Variants in FSTL4 observed in about 807,000 individuals in gnomAD.
FSTL4 encodes the protein follistatin like 4.
FSTL4 carries 28 observed loss-of-function variants against 78.2 expected under a neutral mutation model. The observed-to-expected ratio is 0.36, with a 90% CI of 0.27 to 0.49. The LOEUF is 0.49. FSTL4 is among the 20% of genes least tolerant of loss of function. The pLI, the probability that FSTL4 is intolerant of heterozygous loss-of-function variation, is 0.98. For synonymous variants in FSTL4, 422 were observed against 440.5 expected, an observed-to-expected ratio of 0.96 and a Z score of 0.53; for missense variants, 922 against 1,084.9, an observed-to-expected ratio of 0.85 and a Z score of 2.11.
chr5:133,402,402 G>A (rs1756251643), intron 3 of FSTL4, among the ~76,000 whole-genome samples: 1 of 152,180 alleles, frequency 6.6e-6, no homozygotes, highest in Admixed American at 6.5e-5. Context: ...GGAAAGTTGA[G>A]AATTACACAG....
At chr5:133,363,162 C>T (rs1367292519) in intron 4 of FSTL4, among the ~76,000 whole-genome samples, 2 of 152,032 alleles carry the variant, frequency 1.3e-5, no homozygotes, top group Non-Finnish European at 2.9e-5. Flanking sequence ...GAATAATCTG[C>T]ATACTTCACA....
the FSTL4 span, among the ~76,000 whole-genome samples, chr5:133,700,065 CCAGG>C: frequency 1.3e-5 from 2 of 152,106 alleles, no homozygotes; most frequent in Non-Finnish European, 2.9e-5. Flanking sequence ...GGATCAACAG[CCAGG>C]TGGGATGAGC....
intron 2 of FSTL4, among the ~76,000 whole-genome samples, chr5:133,598,214 C>CT (rs1208790950): frequency 6.6e-6 from 1 of 152,054 alleles, no homozygotes. Flanking sequence ...TGGGATTCTC[C>CT]TTGTGTGTGT....
the FSTL4 span, among the ~76,000 whole-genome samples, chr5:133,630,350 A>G: frequency 6.6e-6 from 1 of 152,178 alleles, no homozygotes; most frequent in Non-Finnish European, 1.5e-5. Context: ...CTATACACCA[A>G]TAATAGACAG....
intron 3 of FSTL4, among the ~76,000 whole-genome samples, chr5:133,474,297 A>C (rs1304398458): frequency 6.6e-6 from 1 of 151,476 alleles, no homozygotes; most frequent in African/African-American, 2.4e-5. Context: ...ATGCTGCCCA[A>C]GAATGAACAA....
the FSTL4 span, among the ~76,000 whole-genome samples, chr5:133,689,327 C>T: frequency 6.6e-6 from 1 of 152,164 alleles, no homozygotes; most frequent in Admixed American, 6.5e-5. Context: ...AGGAGGTCCT[C>T]GTCAACAGCA....
chr5:133,831,997 A>G, the FSTL4 span, among the ~76,000 whole-genome samples: 4 of 152,332 alleles, frequency 2.6e-5, no homozygotes, highest in Non-Finnish European at 4.4e-5. Flanking sequence ...AAGTGTCCTC[A>G]TCTCATGAGA....
At chr5:133,395,242 T>C (rs1278211242) in intron 4 of FSTL4, among the ~76,000 whole-genome samples, 1 of 152,108 alleles carries the variant, frequency 6.6e-6, no homozygotes, top group Non-Finnish European at 1.5e-5. Context: ...TGCTGCTCAC[T>C]CTTTGGGTCC....
chr5:133,357,041 T>C (rs1031676533), intron 4 of FSTL4, among the ~76,000 whole-genome samples: 8 of 152,190 alleles, frequency 5.3e-5, no homozygotes, highest in South Asian at 2.1e-4. Flanking sequence ...GAGAAGTCCA[T>C]TGGGCACAAG....
chr5:133,593,558 C>T (rs1238670275), intron 2 of FSTL4, among the ~76,000 whole-genome samples: 1 of 152,114 alleles, frequency 6.6e-6, no homozygotes, highest in Non-Finnish European at 1.5e-5. Context: ...TTTAGAACAG[C>T]TGAGCCAGGG....
At chr5:133,558,388 T>C (rs1441374934) in intron 3 of FSTL4, among the ~76,000 whole-genome samples, 1 of 152,074 alleles carries the variant, frequency 6.6e-6, no homozygotes, top group African/African-American at 2.4e-5. Context: ...AAGAACAGGG[T>C]AGGGGCAATC....
chr5:133,399,486 G>A (rs1756162055), intron 4 of FSTL4, among the ~76,000 whole-genome samples: 1 of 152,216 alleles, frequency 6.6e-6, no homozygotes, highest in African/African-American at 2.4e-5. Flanking sequence ...CTGCTGAGTG[G>A]AGTGGCCCAT....
intron 6 of FSTL4, among the ~76,000 whole-genome samples, chr5:133,250,669 G>T (rs1424637412): frequency 6.6e-6 from 1 of 152,266 alleles, no homozygotes; most frequent in African/African-American, 2.4e-5. Flanking sequence ...CAGCACATCT[G>T]TGCTCACACC....
intron 4 of FSTL4, among the ~76,000 whole-genome samples, chr5:133,352,311 TACACACATATATATAC>T (rs1754845538): frequency 8.1e-5 from 8 of 98,830 alleles, no homozygotes; most frequent in Non-Finnish European, 1.2e-4. Context: ...CATATATATA[TACACACATATATATAC>T]ACACATATAT....
chr5:133,838,151 G>A, the FSTL4 span, among the ~76,000 whole-genome samples: 1 of 152,152 alleles, frequency 6.6e-6, no homozygotes, highest in Admixed American at 6.5e-5. Context: ...GCCTCCCAAA[G>A]TGCCTGGATT....
chr5:133,610,697 A>T (rs1469249831), intron 1 of FSTL4, among the ~76,000 whole-genome samples: 2 of 152,180 alleles, frequency 1.3e-5, no homozygotes, highest in Non-Finnish European at 2.9e-5. Context: ...CCAGACCCAG[A>T]GTCTGTCCTG....
intron 3 of FSTL4, among the ~76,000 whole-genome samples, chr5:133,550,461 T>C (rs754137489): frequency 6.6e-6 from 1 of 152,124 alleles, no homozygotes; most frequent in Non-Finnish European, 1.5e-5. Flanking sequence ...CACTTAGAAT[T>C]AGAAGTCACA....
the FSTL4 span, among the ~76,000 whole-genome samples, chr5:133,680,109 C>T: frequency 2.6e-5 from 4 of 152,142 alleles, no homozygotes; most frequent in African/African-American, 9.7e-5. Flanking sequence ...TCTGCTGGCT[C>T]CCCAAAGTCT....
At chr5:133,840,512 C>T in the FSTL4 span, among the ~76,000 whole-genome samples, 4 of 152,228 alleles carry the variant, frequency 2.6e-5, no homozygotes, top group Non-Finnish European at 4.4e-5. Context: ...TGGACTCTTG[C>T]TGGTCTCTGC....
Sources: allele counts gnomAD v4.1 joint callset (sites outside exome capture counted in the v4.1 genomes callset), GRCh38; gene constraint gnomAD v4.1.1; transcripts MANE v1.5; gene names NCBI Gene and HGNC (gene_info 2026-07-23, HGNC 2026-07-21).